The following USP13 variants were observed in gnomAD, a reference collection of about 807,000 sequenced individuals.
USP13 encodes ubiquitin carboxyl-terminal hydrolase 13.
A neutral mutation model predicts 107.8 loss-of-function variants in USP13; 68 were observed. The ratio of observed to expected loss-of-function variants is 0.63; its 90% CI spans 0.52 to 0.77. The LOEUF is 0.77. Ranked by LOEUF, USP13 falls within the 30% of genes least tolerant of loss-of-function variation. The pLI is 0.00. For missense variants in USP13, 945 were observed against 1,093.3 expected, an observed-to-expected ratio of 0.86 and a Z score of 1.91; for synonymous variants, 377 against 389.5, an observed-to-expected ratio of 0.97 and a Z score of 0.38.
At chr3:179,759,106 C>T (rs997776172) in intron 16 of USP13, among the ~76,000 whole-genome samples, 5 of 152,046 alleles carry the variant, frequency 3.3e-5, no homozygotes, top group African/African-American at 9.7e-5. Context: ...CTCAGCCTCC[C>T]GAGTAGCTGG....
chr3:179,726,824 T>C (rs547473110), intron 8 of USP13, among the ~76,000 whole-genome samples: 2 of 152,204 alleles, frequency 1.3e-5, no homozygotes, highest in African/African-American at 2.4e-5. Flanking sequence ...ATTATAGGTA[T>C]GTACCACTGC....
intron 1 of USP13, among the ~76,000 whole-genome samples, chr3:179,676,476 G>A (rs1053190079): frequency 2.6e-5 from 4 of 152,180 alleles, no homozygotes; most frequent in Non-Finnish European, 4.4e-5. Context: ...TGTGAGTCAA[G>A]AAGCTTAGCT....
At chr3:179,690,329 A>T (rs774531758) in intron 3 of USP13, 28 bp downstream of exon 3, 2 of 1,606,736 alleles carry the variant, frequency 1.2e-6, no homozygotes, top group Admixed American at 3.3e-5. Context: ...GCATGCTCAG[A>T]TTTTGTGTTT....
chr3:179,707,146 C>A (rs1342515238), intron 5 of USP13, 70 bp downstream of exon 5: 35 of 1,501,080 alleles, frequency 2.3e-5, no homozygotes, highest in Non-Finnish European at 2.9e-5. Flanking sequence ...TTTTCTACTT[C>A]TTTTTTGAAT....
At chr3:179,670,299 T>C (rs1315423793) in intron 1 of USP13, among the ~76,000 whole-genome samples, 1 of 152,184 alleles carries the variant, frequency 6.6e-6, no homozygotes, top group Non-Finnish European at 1.5e-5. Flanking sequence ...CTCTCTTTAC[T>C]AGGACTTAAA....
rs1715870303 is a variant in USP13, at chr3:179,784,790, C to T, written c.*649C>T. ...GAGACTTTTACTAGAAAAGTGAGTC[C>T]ACTAGAAAATCTGTGACAAGTTGGT... is the stretch of plus-strand genomic sequence containing the variant. On this transcript the variant is annotated 3_prime_UTR_variant, in exon 21 of 21. Coordinates refer to ENST00000263966, the MANE Select transcript of USP13 (RefSeq NM_003940.3). 1 of 152,052 alleles carries T rather than the reference C, an allele frequency of 6.6e-6. No individual in the cohort carries two copies. Among genetic ancestry groups the T allele is most frequent in the Non-Finnish European group, 1.5e-5 (1 of 67,996 alleles). 9.4% of individuals were successfully genotyped at this position (152,052 alleles called of 1,614,324 possible).
At chr3:179,780,055 C>T (rs952462033) in intron 19 of USP13, among the ~76,000 whole-genome samples, 5 of 152,188 alleles carry the variant, frequency 3.3e-5, no homozygotes, top group African/African-American at 1.2e-4. Context: ...GAATGATCAG[C>T]AAACTAGGAA....
Position 179,784,147 on chromosome 3 carries a change from A to G in USP13, c.*6A>G. 1 of 1,591,970 alleles carries G rather than the reference A, an allele frequency of 6.3e-7. No individual in the cohort carries two copies. The highest frequency in any genetic ancestry group is 1.2e-5 in the South Asian group (1 of 86,076). Reference sequence around the variant, plus strand: ...ACCGCAGGATACCAAGCTAAACCTCAAATATAAAAATTGGCGAAAAGAAGC... The same window carrying G: ...ACCGCAGGATACCAAGCTAAACCTCGAATATAAAAATTGGCGAAAAGAAGC... On this transcript the variant is annotated 3_prime_UTR_variant, in exon 21 of 21. Transcript: ENST00000263966.
chr3:179,743,918 A>C (rs961534851), intron 12 of USP13, among the ~76,000 whole-genome samples: 1 of 127,542 alleles, frequency 7.8e-6, no homozygotes, highest in African/African-American at 3.0e-5. Flanking sequence ...CAAACTGATA[A>C]ATAAGGAGTT....
chr3:179,744,118 T>C (rs1202449980), intron 12 of USP13, among the ~76,000 whole-genome samples: 9 of 152,102 alleles, frequency 5.9e-5, no homozygotes, highest in African/African-American at 2.2e-4. Context: ...GTAGCCCTGA[T>C]GTCTGAGGTG....
At chr3:179,681,801 C>T in intron 1 of USP13, 77 bp from the exon 2 acceptor site, 1 of 1,515,810 alleles carries the variant, frequency 6.6e-7, no homozygotes, top group Non-Finnish European at 8.9e-7. Context: ...CGTTTGCCTT[C>T]CTTCCCTTTC....
In USP13 at chr3:179,721,323, G is replaced by A. The variant is rs2108494480; in HGVS notation, c.901-79G>A. 1.3e-6 allele frequency: 2 copies of A among 1,484,138 alleles called. No homozygotes were observed. Among genetic ancestry groups the A allele is most frequent in the East Asian group, 4.6e-5 (2 of 43,542 alleles). 91.9% of individuals were successfully genotyped at this position (1,484,138 alleles called of 1,614,324 possible). A position where few individuals can be genotyped will look rare whatever the true frequency, so the allele number is the denominator to read the frequency against. On this transcript the variant is annotated intron_variant, in intron 7 of 20. Coordinates refer to ENST00000263966, the MANE Select transcript of USP13 (RefSeq NM_003940.3). The surrounding 1 kb of genome is among the most constrained non-coding windows in gnomAD (Gnocchi z 4.3). ...AAAAATGGCAGAAACATCCTATGCT[G>A]TTAGAAATAATTAACGGGACATGAC... is the stretch of plus-strand genomic sequence containing the variant.
chr3:179,658,616 T>C (rs994686658), intron 1 of USP13, among the ~76,000 whole-genome samples: 1 of 151,976 alleles, frequency 6.6e-6, no homozygotes, highest in Non-Finnish European at 1.5e-5. Flanking sequence ...AGTCCAAGAG[T>C]GAGTTATGGA....
chr3:179,672,394 T>G (rs1269836187), intron 1 of USP13, among the ~76,000 whole-genome samples: 3 of 151,600 alleles, frequency 2.0e-5, no homozygotes, highest in Non-Finnish European at 4.4e-5. Flanking sequence ...TTTTTTCTTT[T>G]TTTTTTTTTG....
Position 179,653,692 on chromosome 3 carries a change from T to A in USP13, c.168+299T>A, listed in dbSNP as rs1013995799. 29 of 357,286 alleles carry A rather than the reference T, an allele frequency of 8.1e-5. No individual in the cohort carries two copies. The East Asian group carries it at 1.5e-3, about 18-fold the overall frequency. 22.1% of individuals were successfully genotyped at this position (357,286 alleles called of 1,614,324 possible). On this transcript the variant is annotated intron_variant, in intron 1 of 20. Coordinates refer to ENST00000263966, the MANE Select transcript of USP13 (RefSeq NM_003940.3). This position sits in a 1 kb window ranked among gnomAD's most constrained non-coding sequence, Gnocchi z 4.0. Reference sequence around the variant, plus strand: ...AGATAGATGAAATACAAGAGTTCCCTGTTCCGAACTGCACGTTGCAGATCG... The same window carrying A: ...AGATAGATGAAATACAAGAGTTCCCAGTTCCGAACTGCACGTTGCAGATCG...
intron 1 of USP13, among the ~76,000 whole-genome samples, chr3:179,662,147 A>T (rs1720473930): frequency 6.6e-6 from 1 of 152,166 alleles, no homozygotes; most frequent in Non-Finnish European, 1.5e-5. Context: ...CTGGACTGAT[A>T]CACATACATT....
Position 179,781,817 on chromosome 3 carries a change from A to G in USP13, c.2492A>G (p.Glu831Gly). The G allele has an allele frequency of 3.1e-6, 5 of 1,613,808 alleles. No individual in the cohort carries two copies. The highest frequency in any genetic ancestry group is 4.2e-6 in the Non-Finnish European group (5 of 1,179,770). ...SGHYICHIKK[E>G]GRWVIYNDHK... ...CATTACATTTGCCATATCAAAAAGG[A>G]AGGAAGGTGAGTCATTTTTAGAAGG... Residue 831 changes from glutamate (E) to glycine (G), a missense_variant, in exon 20 of 21, where the codon GAA becomes GGA. Physicochemically the swap from Glu to Gly is moderately conservative, Grantham distance 98. Coordinates refer to ENST00000263966, the MANE Select transcript of USP13 (RefSeq NM_003940.3).
At chr3:179,715,925 C>T (rs1432420780) in intron 6 of USP13, among the ~76,000 whole-genome samples, 1 of 151,910 alleles carries the variant, frequency 6.6e-6, no homozygotes, top group Non-Finnish European at 1.5e-5. Flanking sequence ...AGTTTTTGTT[C>T]TGTTTTGTTT....
intron 1 of USP13, among the ~76,000 whole-genome samples, chr3:179,676,612 C>G (rs1333915108): frequency 6.6e-6 from 1 of 152,116 alleles, no homozygotes; most frequent in Admixed American, 6.5e-5. Flanking sequence ...GGTGCTGACT[C>G]TGTATGTGAA....
Sources: gnomAD v4.1 joint callset for allele counts (sites outside exome capture counted in the v4.1 genomes callset) on GRCh38, gnomAD v4.1.1 for gene constraint, Gnocchi (gnomAD v3.1) non-coding constraint, MANE v1.5 for transcripts, NCBI Gene and HGNC (gene_info 2026-07-23, HGNC 2026-07-21) for gene names.